Variants in DENND5B observed in about 807,000 individuals in gnomAD.
DENND5B encodes the protein DENN domain-containing protein 5B.
A neutral mutation model predicts 140.6 loss-of-function variants in DENND5B; 34 were observed. The ratio of observed to expected loss-of-function variants is 0.24; its 90% CI spans 0.18 to 0.32. DENND5B has a LOEUF of 0.32. Among genes scored for constraint, DENND5B ranks in the 10% least tolerant of loss-of-function variants. DENND5B has a pLI of 1.00. For synonymous variants in DENND5B, 551 were observed against 562.1 expected (o/e 0.98, Z 0.28); for missense variants, 1,142 against 1,560.2 (o/e 0.73, Z 4.52).
At chr12:31,481,291 C>T (rs1485200572) in intron 2 of DENND5B, among the ~76,000 whole-genome samples, 6 of 152,138 alleles carry the variant, frequency 3.9e-5, no homozygotes, top group African/African-American at 1.4e-4. Context: ...TTTCTTCATT[C>T]AAACCGTCAA....
chr12:31,388,926 T>C (rs1940987765), intron 20 of DENND5B, among the ~76,000 whole-genome samples: 1 of 152,216 alleles, frequency 6.6e-6, no homozygotes, highest in African/African-American at 2.4e-5. Context: ...CGAGCCAGTA[T>C]ACAGTCATGG....
In DENND5B at chr12:31,384,770, CTTTTTTTT is replaced by C. The variant is rs1168763316; in HGVS notation, c.*2825_*2832del. 1.4e-5 allele frequency: 2 copies of C among 144,614 alleles called. No individual in the cohort carries two copies. The highest frequency in any genetic ancestry group is 2.5e-5 in the African/African-American group (1 of 39,626). The allele number at this position is 144,614 out of a possible 1,614,324, so 9.0% of individuals were successfully genotyped here. ...ATCCAACTTTGGCTGCAGTTTTTTT[CTTTTTTTT>C]TTTTTGAGACGGAGTCTCGCTCTTG... On this transcript the variant is annotated 3_prime_UTR_variant, in exon 21 of 21. Transcript: ENST00000389082.
chr12:31,555,406 C>T (rs1309410413), intron 1 of DENND5B, among the ~76,000 whole-genome samples: 1 of 152,202 alleles, frequency 6.6e-6, no homozygotes, highest in Non-Finnish European at 1.5e-5. Context: ...CCTGATCGTT[C>T]TTCTGGAAGT....
Position 31,424,607 on chromosome 12 carries a change from C to T in DENND5B, c.2319G>A (p.Glu773=), listed in dbSNP as rs1198677858. 3 of 1,613,954 alleles carry T rather than the reference C, an allele frequency of 1.9e-6. No individual in the cohort carries two copies. Among genetic ancestry groups the T allele is most frequent in the Non-Finnish European group, 2.5e-6 (3 of 1,179,888 alleles). Residue 773 remains glutamate, a synonymous_variant, in exon 10 of 21, where the codon GAG becomes GAA. Transcript: ENST00000389082. ...GHGEANITGL[E]ENTLIASLCD... ...AAAGGCTGGCGATCAAGGTGTTCTCCTCCAGGCCGGTGATGTTTGCTTCTC... is the reference window on the plus strand; with the variant it reads ...AAAGGCTGGCGATCAAGGTGTTCTCTTCCAGGCCGGTGATGTTTGCTTCTC...
chr12:31,431,939 G>A, intron 8 of DENND5B: 1 of 465,060 alleles, frequency 2.2e-6, no homozygotes, highest in Non-Finnish European at 2.8e-6. Context: ...GGTCATGTGA[G>A]GCATTCTAGA....
Position 31,590,973 on chromosome 12 carries a change from C to A in DENND5B, c.-141G>T, listed in dbSNP as rs1049328451. On this transcript the variant is annotated 5_prime_UTR_variant, in exon 1 of 21. Transcript: ENST00000389082. ...CGCCCATGGCCGCGCAGCCGCCTCTCGCCGCCGCAGCCTGCCTCCTCGCTC... is the reference window on the plus strand; with the variant it reads ...CGCCCATGGCCGCGCAGCCGCCTCTAGCCGCCGCAGCCTGCCTCCTCGCTC... 7.3e-6 allele frequency: 7 copies of A among 958,710 alleles called. No homozygotes were observed. The African/African-American group carries it at 1.2e-4, about 17-fold the overall frequency. The allele number at this position is 958,710 out of a possible 1,614,324, so 59.4% of individuals were successfully genotyped here. A position where few individuals can be genotyped will look rare whatever the true frequency, so the allele number is the denominator to read the frequency against.
chr12:31,422,353 C>T (rs1344636766), intron 11 of DENND5B, among the ~76,000 whole-genome samples: 5 of 151,910 alleles, frequency 3.3e-5, no homozygotes, highest in African/African-American at 1.2e-4. Flanking sequence ...TGGCATGAAC[C>T]CGGGAGGTGG....
At chr12:31,570,180 A>G (rs1346987831) in intron 1 of DENND5B, among the ~76,000 whole-genome samples, 1 of 151,732 alleles carries the variant, frequency 6.6e-6, no homozygotes. Flanking sequence ...TGGGTGACAC[A>G]GCAATACTCC....
At chr12:31,449,731 G>GTTTTT (rs771712867) in intron 5 of DENND5B, among the ~76,000 whole-genome samples, 7 of 89,952 alleles carry the variant, frequency 7.8e-5, no homozygotes, top group South Asian at 8.1e-4. Context: ...ACACAGATTA[G>GTTTTT]TTTTTTTTTT....
At chr12:31,534,920 TTTGA>T in intron 1 of DENND5B, 2 of 339,380 alleles carry the variant, frequency 5.9e-6, no homozygotes, top group Non-Finnish European at 1.1e-5. Context: ...GAGGCTTTGG[TTTGA>T]TTAACTGGGT....
At chr12:31,549,544 T>A (rs893045579) in intron 1 of DENND5B, among the ~76,000 whole-genome samples, 9 of 152,242 alleles carry the variant, frequency 5.9e-5, no homozygotes, top group African/African-American at 1.7e-4. Flanking sequence ...TTTTAATTTT[T>A]ATTTTTATTT....
intron 3 of DENND5B, among the ~76,000 whole-genome samples, chr12:31,468,059 G>A (rs1336521762): frequency 6.6e-6 from 1 of 152,048 alleles, no homozygotes; most frequent in Admixed American, 6.6e-5. Context: ...TTCAAGACCA[G>A]CCTGGGCAAC....
chr12:31,513,600 T>C (rs954674181), intron 1 of DENND5B, among the ~76,000 whole-genome samples: 14 of 152,198 alleles, frequency 9.2e-5, no homozygotes, highest in African/African-American at 3.4e-4. Context: ...CATTTACAAC[T>C]CTTTTATTTG....
intron 1 of DENND5B, among the ~76,000 whole-genome samples, chr12:31,587,886 T>C (rs1259358): frequency 0.078 from 11,857 of 152,180 alleles, 1,061 homozygotes; most frequent in African/African-American, 0.22. Context: ...AACTGGTCTC[T>C]TGCCTCTACC....
chr12:31,571,711 G>A (rs1307495004), intron 1 of DENND5B, among the ~76,000 whole-genome samples: 2 of 151,820 alleles, frequency 1.3e-5, no homozygotes, highest in South Asian at 2.1e-4. Flanking sequence ...TCCACCTCTC[G>A]GGCTCAAGCG....
chr12:31,540,009 T>A (rs757370638), intron 1 of DENND5B, among the ~76,000 whole-genome samples: 1 of 151,888 alleles, frequency 6.6e-6, no homozygotes, highest in Non-Finnish European at 1.5e-5. Flanking sequence ...CTATTAGAAC[T>A]CATACAAAAT....
Position 31,409,336 on chromosome 12 carries a change from C to T in DENND5B, c.2730G>A (p.Glu910=), listed in dbSNP as rs1439541657. Residue 910 remains glutamate, a synonymous_variant, in exon 14 of 21, where the codon GAG becomes GAA. Coordinates refer to ENST00000389082, the MANE Select transcript of DENND5B (RefSeq NM_144973.4). ...YAFLRCEEER[E]QFLYHLLSLN... is the part of the protein sequence containing the mutation. ...GAGAAAGAAGGTGGTAAAGAAACTG[C>T]TCTCTTTCTTCTTCGCAACGTAGAA... The T allele has an allele frequency of 9.6e-6, 15 of 1,565,010 alleles. No homozygotes were observed. Among genetic ancestry groups the T allele is most frequent in the African/African-American group, 2.7e-5 (2 of 73,646 alleles).
intron 1 of DENND5B, among the ~76,000 whole-genome samples, chr12:31,543,654 C>T (rs1462502700): frequency 6.6e-6 from 1 of 152,078 alleles, no homozygotes; most frequent in African/African-American, 2.4e-5. Flanking sequence ...AGAGAAAGCC[C>T]ACAGACACTA....
At chr12:31,437,937 C>A (rs571975517) in intron 7 of DENND5B, among the ~76,000 whole-genome samples, 2 of 152,186 alleles carry the variant, frequency 1.3e-5, no homozygotes, top group Non-Finnish European at 2.9e-5. Flanking sequence ...CATGGTGATG[C>A]GATTCTGAGT....
Sources: gnomAD v4.1 joint callset for allele counts (sites outside exome capture counted in the v4.1 genomes callset) on GRCh38, gnomAD v4.1.1 for gene constraint, MANE v1.5 for transcripts, NCBI Gene and HGNC (gene_info 2026-07-23, HGNC 2026-07-21) for gene names.